SCHIP1: variants seen among roughly 807,000 people sequenced by gnomAD.
SCHIP1 encodes the protein schwannomin-interacting protein 1.
SCHIP1 carries 8 observed loss-of-function variants against 29.7 expected under a neutral mutation model. The observed-to-expected ratio is 0.27, with a 90% CI of 0.16 to 0.49. The LOEUF is 0.49. Ranked by LOEUF, SCHIP1 falls within the 20% of genes least tolerant of loss-of-function variation. The pLI is 0.99. For synonymous variants in SCHIP1, 76 were observed against 94.9 expected (o/e 0.80, Z 1.16); for missense variants, 193 against 294.6 (o/e 0.66, Z 2.52).
the SCHIP1 span, among the ~76,000 whole-genome samples, chr3:159,620,375 A>G: frequency 6.6e-6 from 1 of 152,230 alleles, no homozygotes; most frequent in South Asian, 2.1e-4. Context: ...GAACTCCATG[A>G]TAGGCCATGC....
At chr3:159,579,707 G>A in the SCHIP1 span, among the ~76,000 whole-genome samples, 1 of 152,170 alleles carries the variant, frequency 6.6e-6, no homozygotes, top group Non-Finnish European at 1.5e-5. Context: ...CTGCATTTTT[G>A]AGAATGGAAA....
the SCHIP1 span, among the ~76,000 whole-genome samples, chr3:159,822,394 A>G: frequency 6.6e-6 from 1 of 151,980 alleles, no homozygotes; most frequent in Non-Finnish European, 1.5e-5. Flanking sequence ...GAATTATTGG[A>G]TTAAGAATAG....
chr3:159,581,176 A>G, the SCHIP1 span, among the ~76,000 whole-genome samples: 1 of 152,188 alleles, frequency 6.6e-6, no homozygotes, highest in African/African-American at 2.4e-5. Flanking sequence ...CCTCTCTATA[A>G]GTGCAACTAA....
At chr3:159,491,403 C>G in the SCHIP1 span, among the ~76,000 whole-genome samples, 1 of 152,220 alleles carries the variant, frequency 6.6e-6, no homozygotes, top group Non-Finnish European at 1.5e-5. Context: ...GTCACTCCCA[C>G]CCTAATACTG....
At chr3:159,586,640 A>T in the SCHIP1 span, among the ~76,000 whole-genome samples, 1 of 152,126 alleles carries the variant, frequency 6.6e-6, no homozygotes, top group East Asian at 1.9e-4. Flanking sequence ...GTCACCCAGG[A>T]TGATTTTAAC....
chr3:159,646,656 G>A, the SCHIP1 span, among the ~76,000 whole-genome samples: 2 of 152,094 alleles, frequency 1.3e-5, no homozygotes, highest in African/African-American at 4.8e-5. Context: ...ACACAACCCT[G>A]AATACAAGGG....
the SCHIP1 span, among the ~76,000 whole-genome samples, chr3:159,407,502 A>G: frequency 6.6e-6 from 1 of 152,202 alleles, no homozygotes; most frequent in African/African-American, 2.4e-5. Context: ...ACAAAGAAAC[A>G]TTGGACTTAA....
chr3:159,587,389 A>C, the SCHIP1 span, among the ~76,000 whole-genome samples: 18 of 152,308 alleles, frequency 1.2e-4, no homozygotes, highest in Admixed American at 6.5e-4. Context: ...TGCTTTAAAA[A>C]AAAAAAAGAC....
At chr3:159,328,698 G>T in the SCHIP1 span, among the ~76,000 whole-genome samples, 1 of 152,166 alleles carries the variant, frequency 6.6e-6, no homozygotes, top group African/African-American at 2.4e-5. Context: ...AGGCAGGTGG[G>T]CCAGGCTGGG....
At position 159,886,192 on chromosome 3, in the gene SCHIP1, T is replaced by A. The variant is rs752696826; in HGVS notation, c.150-15T>A. 4.3e-6 allele frequency: 7 copies of A among 1,613,946 alleles called. No individual in the cohort carries two copies. In the South Asian group the frequency reaches 6.6e-5, roughly 15 times the overall value. Reference sequence around the variant, plus strand: ...ACAGCTAAGTAGAACTAGTGTCCTGTTTGTTTCTGCCCAGACTGCAGAGTG... The same window carrying A: ...ACAGCTAAGTAGAACTAGTGTCCTGATTGTTTCTGCCCAGACTGCAGAGTG... On this transcript the variant is annotated splice_polypyrimidine_tract_variant and intron_variant, in intron 2 of 6. Coordinates refer to ENST00000445224, the Ensembl canonical transcript of SCHIP1.
At chr3:159,464,247 C>T in the SCHIP1 span, among the ~76,000 whole-genome samples, 18 of 152,302 alleles carry the variant, frequency 1.2e-4, no homozygotes, top group African/African-American at 3.8e-4. Context: ...CAACTGTCTG[C>T]ACATTTGTAT....
the SCHIP1 span, among the ~76,000 whole-genome samples, chr3:159,311,579 A>G: frequency 6.6e-6 from 1 of 152,148 alleles, no homozygotes; most frequent in Non-Finnish European, 1.5e-5. Flanking sequence ...GCAATAATAT[A>G]TTACGTAATA....
chr3:159,420,028 T>C, the SCHIP1 span, among the ~76,000 whole-genome samples: 1 of 152,196 alleles, frequency 6.6e-6, no homozygotes. Flanking sequence ...GCTATTTTCA[T>C]GACCATCCGT....
the SCHIP1 span, among the ~76,000 whole-genome samples, chr3:159,347,793 A>G: frequency 4.6e-5 from 7 of 152,198 alleles, no homozygotes; most frequent in Admixed American, 1.3e-4. Context: ...TCCAGATTCA[A>G]TTCCTGAGTT....
chr3:159,715,984 T>A, the SCHIP1 span, among the ~76,000 whole-genome samples: 1 of 152,124 alleles, frequency 6.6e-6, no homozygotes, highest in African/African-American at 2.4e-5. Context: ...GAAAAAATGT[T>A]AAGGGCAGCC....
At chr3:159,554,026 A>ATG in the SCHIP1 span, among the ~76,000 whole-genome samples, 1,848 of 114,126 alleles carry the variant, frequency 0.016, 29 homozygotes, top group African/African-American at 0.044. Context: ...GTGTTTGTGT[A>ATG]TGTGTGTGTG....
At chr3:159,891,319 C>T (rs959340148) in intron 5 of SCHIP1, among the ~76,000 whole-genome samples, 6 of 151,644 alleles carry the variant, frequency 4.0e-5, no homozygotes, top group African/African-American at 1.2e-4. Flanking sequence ...TGCAATGAGC[C>T]GAGATCGTGC....
the SCHIP1 span, among the ~76,000 whole-genome samples, chr3:159,799,172 T>C: frequency 6.6e-6 from 1 of 152,220 alleles, no homozygotes; most frequent in Non-Finnish European, 1.5e-5. Context: ...TTTCGTCTCC[T>C]CAGACATTCT....
chr3:159,871,295 C>T (rs760258736), intron 2 of SCHIP1, among the ~76,000 whole-genome samples: 18 of 133,672 alleles, frequency 1.3e-4, no homozygotes, highest in Admixed American at 1.8e-4. Context: ...TAAAAGTAAA[C>T]GTTCTCGTAC....
Sources: allele counts gnomAD v4.1 joint callset (sites outside exome capture counted in the v4.1 genomes callset), GRCh38; gene constraint gnomAD v4.1.1; transcripts MANE v1.5; gene names NCBI Gene and HGNC (gene_info 2026-07-23, HGNC 2026-07-21).